Variants in IGFL2 observed in about 807,000 individuals in gnomAD.
IGFL2 encodes IGF like family member 2.
In IGFL2, 7 loss-of-function variants were observed where a neutral mutation model predicts 13.9. The ratio of observed to expected loss-of-function variants is 0.51; its 90% confidence interval spans 0.29 to 0.95. IGFL2 has a LOEUF of 0.95. IGFL2 is among the 40% of genes least tolerant of loss of function. The pLI, the probability that IGFL2 is intolerant of heterozygous loss-of-function variation, is 0.08. For synonymous variants in IGFL2, 55 were observed against 55.8 expected (o/e 0.99, Z 0.07); for missense variants, 138 against 147.8 (o/e 0.93, Z 0.34).
the IGFL2 span, among the ~76,000 whole-genome samples, chr19:46,170,543 C>T: frequency 6.6e-6 from 1 of 152,148 alleles, no homozygotes; most frequent in African/African-American, 2.4e-5. Context: ...GGGAGATAAC[C>T]TTAAAGTCTG....
chr19:46,187,700 G>T, the IGFL2 span, among the ~76,000 whole-genome samples: 1 of 149,356 alleles, frequency 6.7e-6, no homozygotes, highest in African/African-American at 2.5e-5. Flanking sequence ...GCTGGTGTGT[G>T]CTACCTGATC....
chr19:46,149,138 A>ATCTCTC, intron 1 of IGFL2: 2 of 764,882 alleles, frequency 2.6e-6, no homozygotes, highest in South Asian at 3.0e-5. Context: ...TTGGGCAACC[A>ATCTCTC]TCTCTCTCTC....
the IGFL2 span, among the ~76,000 whole-genome samples, chr19:46,168,803 C>G: frequency 6.6e-6 from 1 of 152,116 alleles, no homozygotes; most frequent in Non-Finnish European, 1.5e-5. Flanking sequence ...AATTTTGCTT[C>G]AGCTTCTTCC....
chr19:46,079,859 C>G, the IGFL2 span, among the ~76,000 whole-genome samples: 11 of 152,168 alleles, frequency 7.2e-5, no homozygotes, highest in Non-Finnish European at 1.5e-4. Context: ...AAACTCAGAA[C>G]AGTGTCAATT....
the IGFL2 span, among the ~76,000 whole-genome samples, chr19:46,086,994 AG>A: frequency 1.3e-5 from 2 of 152,142 alleles, no homozygotes; most frequent in Admixed American, 1.3e-4. Context: ...CAGGTAGGCC[AG>A]GTTTTGGGCC....
chr19:46,089,705 G>A, the IGFL2 span, among the ~76,000 whole-genome samples: 693 of 151,462 alleles, frequency 4.6e-3, 7 homozygotes, highest in African/African-American at 0.015. Context: ...TAAAGTTTCC[G>A]AGAAGTCTGC....
chr19:46,102,855 A>G, the IGFL2 span, among the ~76,000 whole-genome samples: 2 of 152,050 alleles, frequency 1.3e-5, no homozygotes, highest in African/African-American at 4.8e-5. Context: ...ATAATGGGCA[A>G]TTTTTCTCAT....
chr19:46,205,744 G>A, the IGFL2 span, among the ~76,000 whole-genome samples: 23 of 152,078 alleles, frequency 1.5e-4, no homozygotes, highest in African/African-American at 5.3e-4. Context: ...AGATGATGAC[G>A]CCACATTACC....
the IGFL2 span, among the ~76,000 whole-genome samples, chr19:46,081,449 A>G: frequency 2.5e-4 from 38 of 152,198 alleles, 1 homozygote; most frequent in Non-Finnish European, 2.9e-5. Context: ...TTTGAGTTTC[A>G]TCAGTTGTCC....
the IGFL2 span, among the ~76,000 whole-genome samples, chr19:46,121,729 AGATTTTTTAGAAAACG>A: frequency 6.6e-6 from 1 of 150,930 alleles, no homozygotes; most frequent in Non-Finnish European, 1.5e-5. Context: ...AAAGAAAGGC[AGATTTTTTAGAAAACG>A]TAGAAAAATT....
chr19:46,177,035 ATTCT>A, the IGFL2 span, among the ~76,000 whole-genome samples: 1 of 152,080 alleles, frequency 6.6e-6, no homozygotes, highest in South Asian at 2.1e-4. Flanking sequence ...GGTTTTGCTC[ATTCT>A]TCAATCTTTT....
At chr19:46,121,499 C>T in the IGFL2 span, among the ~76,000 whole-genome samples, 2 of 150,256 alleles carry the variant, frequency 1.3e-5, no homozygotes, top group African/African-American at 2.5e-5. Flanking sequence ...TGCATCTCAA[C>T]AGCCCACTGA....
chr19:46,126,552 CTT>C, the IGFL2 span, among the ~76,000 whole-genome samples: 4 of 152,190 alleles, frequency 2.6e-5, no homozygotes, highest in Non-Finnish European at 5.9e-5. Context: ...CTCTTCATCT[CTT>C]TATCTTCTTG....
upstream of IGFL2, among the ~76,000 whole-genome samples, chr19:46,143,488 A>G (rs1972955088): frequency 6.6e-6 from 1 of 151,114 alleles, no homozygotes; most frequent in South Asian, 2.1e-4. Context: ...CCAGCCTTGA[A>G]TTCCTGGGCT....
the IGFL2 span, among the ~76,000 whole-genome samples, chr19:46,117,877 T>C: frequency 1.1e-4 from 17 of 152,166 alleles, no homozygotes; most frequent in Non-Finnish European, 1.5e-5. Flanking sequence ...CACCTCACTC[T>C]CTTGACACTA....
chr19:46,085,359 G>C, the IGFL2 span, among the ~76,000 whole-genome samples: 1 of 152,190 alleles, frequency 6.6e-6, no homozygotes, highest in Non-Finnish European at 1.5e-5. Flanking sequence ...AAGTCTTCTT[G>C]TTGAATCTGA....
the IGFL2 span, chr19:46,137,245 T>C: frequency 1.4e-6 from 2 of 1,426,672 alleles, no homozygotes; most frequent in Non-Finnish European, 2.0e-6. Context: ...TGAACTGATT[T>C]GGATCTTTGC....
chr19:46,185,139 C>T, the IGFL2 span, among the ~76,000 whole-genome samples: 1 of 152,006 alleles, frequency 6.6e-6, no homozygotes, highest in Non-Finnish European at 1.5e-5. Context: ...TTTGTAGATT[C>T]TGGATATTAG....
chr19:46,126,591 T>C, the IGFL2 span, among the ~76,000 whole-genome samples: 1 of 152,246 alleles, frequency 6.6e-6, no homozygotes, highest in South Asian at 2.1e-4. Flanking sequence ...TGGTTGTTGA[T>C]CTGCAAGAAA....
Sources: allele counts gnomAD v4.1 joint callset (sites outside exome capture counted in the v4.1 genomes callset), GRCh38; gene constraint gnomAD v4.1.1; transcripts MANE v1.5; gene names NCBI Gene and HGNC (gene_info 2026-07-23, HGNC 2026-07-21).